PAX2: variants seen among roughly 807,000 people sequenced by gnomAD.
PAX2 encodes paired box protein Pax-2.
Under a neutral mutation model 41.7 loss-of-function variants are expected in PAX2, and 9 were observed. The observed-to-expected ratio is 0.22, with a 90% CI of 0.13 to 0.38. The LOEUF (loss-of-function observed/expected upper bound fraction) is 0.38. Among genes scored for constraint, PAX2 ranks in the 10% least tolerant of loss-of-function variants. The probability of loss-of-function intolerance (pLI) is 1.00; values close to 1 mark genes in which losing one functional copy is unlikely to be tolerated. For synonymous variants in PAX2, 221 were observed against 212.7 expected (o/e 1.04, Z -0.34); for missense variants, 418 against 531.6 (o/e 0.79, Z 2.10).
At chr10:100,745,058 G>C (rs939483810), upstream of PAX2, among the ~76,000 whole-genome samples, 1 of 151,994 alleles carries the variant, frequency 6.6e-6, no homozygotes, top group African/African-American at 2.4e-5. Flanking sequence ...AGGGTGGTGG[G>C]GTTGGGGCTA....
intron 3 of PAX2, among the ~76,000 whole-genome samples, chr10:100,752,153 C>A (rs1453793574): frequency 6.6e-6 from 1 of 152,166 alleles, no homozygotes; most frequent in South Asian, 2.1e-4. Flanking sequence ...TACTGCGAGG[C>A]GACCCCAGAA....
intron 1 of PAX2, among the ~76,000 whole-genome samples, chr10:100,739,889 C>G (rs753110036): frequency 6.6e-6 from 1 of 152,226 alleles, no homozygotes; most frequent in Non-Finnish European, 1.5e-5. Context: ...CTCGCCCGGC[C>G]TAGGGGAGGA....
chr10:100,829,176 GCT>G lies in PAX2; in HGVS notation c.*1560_*1561del. The G allele has an allele frequency of 4.3e-6, 1 of 232,332 alleles. No homozygotes were observed. The highest frequency in any genetic ancestry group is 8.5e-6 in the Non-Finnish European group (1 of 117,264). The allele number at this position is 232,332 out of a possible 1,614,324, so 14.4% of individuals were successfully genotyped here. On this transcript the variant is annotated 3_prime_UTR_variant, in exon 10 of 10. Coordinates refer to ENST00000355243, the MANE Select transcript of PAX2 (RefSeq NM_000278.5). ...TGGACTCCTCTGGCCTGTTTTGTTG[GCT>G]CTTTCTCTGTAATTCCGTGTTTTCG... is the stretch of plus-strand genomic sequence containing the variant.
In PAX2 at chr10:100,827,184, AC is replaced by A; in HGVS notation, c.1108+92del. 9.2e-7 allele frequency: 1 copy of A among 1,091,130 alleles called. No homozygotes were observed. The highest frequency in any genetic ancestry group is 1.4e-6 in the Non-Finnish European group (1 of 718,288). The allele number at this position is 1,091,130 out of a possible 1,614,324, so 67.6% of individuals were successfully genotyped here. A position where few individuals can be genotyped will look rare whatever the true frequency, so the allele number is the denominator to read the frequency against. On this transcript the variant is annotated intron_variant, in intron 9 of 9. Coordinates refer to ENST00000355243, the MANE Select transcript of PAX2 (RefSeq NM_000278.5). The surrounding 1 kb of genome is among the most constrained non-coding windows in gnomAD (Gnocchi z 8.5). ...ACTCCCGGCGACCCGACCTCTGGGG[AC>A]CCGGCCGGGCCAGGGGGACAGGCTT... is the stretch of plus-strand genomic sequence containing the variant.
intron 1 of PAX2, chr10:100,735,851 G>C: frequency 1.5e-6 from 1 of 660,154 alleles, no homozygotes; most frequent in Non-Finnish European, 1.9e-6. Flanking sequence ...TACCCGGCGG[G>C]CGACGTGAAG....
At chr10:100,795,800 G>A (rs2133928476) in intron 5 of PAX2, among the ~76,000 whole-genome samples, 1 of 152,332 alleles carries the variant, frequency 6.6e-6, no homozygotes, top group African/African-American at 2.4e-5. Context: ...AATGGCCAGA[G>A]GTTACCTGCC....
At chr10:100,819,237 G>C (rs1848295055) in intron 7 of PAX2, among the ~76,000 whole-genome samples, 1 of 143,954 alleles carries the variant, frequency 6.9e-6, no homozygotes, top group Non-Finnish European at 1.5e-5. Context: ...GACAGAGCAA[G>C]ACTCTGTCTC....
intron 8 of PAX2, among the ~76,000 whole-genome samples, chr10:100,825,377 G>A (rs1284562883): frequency 2.0e-5 from 3 of 152,110 alleles, no homozygotes; most frequent in Non-Finnish European, 4.4e-5. Flanking sequence ...CTTCCCTGGG[G>A]CTCTGACCCA....
chr10:100,806,717 C>G lies in PAX2; in HGVS notation c.792+112C>G, dbSNP rs1369821274. 2.0e-5 allele frequency: 18 copies of G among 916,324 alleles called. No individual in the cohort carries two copies. The Admixed American group carries it at 3.1e-4, about 16-fold the overall frequency. 56.8% of individuals were successfully genotyped at this position (916,324 alleles called of 1,614,324 possible). A position where few individuals can be genotyped will look rare whatever the true frequency, so the allele number is the denominator to read the frequency against. On this transcript the variant is annotated intron_variant, in intron 6 of 9. Coordinates refer to ENST00000355243, the MANE Select transcript of PAX2 (RefSeq NM_000278.5). ...CATAGCCAGCATTGTATGTGTTACA[C>G]ACGTGTGTTCTGTGTGTGTGCAGTG...
At chr10:100,759,604 C>A (rs1437963627) in intron 3 of PAX2, among the ~76,000 whole-genome samples, 1 of 152,100 alleles carries the variant, frequency 6.6e-6, no homozygotes, top group Non-Finnish European at 1.5e-5. Flanking sequence ...CTGCCTGAAC[C>A]ACAGATTTCT....
rs554620808 is a variant in PAX2 at position 100,802,304 on chromosome 10, A to G, written c.617-4126A>G. ...GAGTTCAAATGTAGATGTGTTCTCC[A>G]GGCCCCAGTCTTAAGCAGCCTCTGC... On this transcript the variant is annotated intron_variant, in intron 5 of 9. Coordinates refer to ENST00000355243, the MANE Select transcript of PAX2 (RefSeq NM_000278.5). Among the ~76,000 whole-genome samples, 57 of 152,334 alleles carry G rather than the reference A, an allele frequency of 3.7e-4. 1 individual carries two copies. Among genetic ancestry groups the G allele is most frequent in the African/African-American group, 1.3e-3 (56 of 41,578 alleles).
chr10:100,761,777 T>C (rs961772051), intron 3 of PAX2, among the ~76,000 whole-genome samples: 1 of 152,190 alleles, frequency 6.6e-6, no homozygotes, highest in African/African-American at 2.4e-5. Context: ...ACTGCTTCTT[T>C]GGAGGTGCTA....
chr10:100,744,107 G>T (rs980497690), upstream of PAX2, among the ~76,000 whole-genome samples: 1 of 152,226 alleles, frequency 6.6e-6, no homozygotes, highest in Non-Finnish European at 1.5e-5. Flanking sequence ...ACGCCCAGTA[G>T]TAGTAGTTAG....
chr10:100,824,291 AG>A lies in PAX2; in HGVS notation c.920-355del, dbSNP rs1227966716. ...CTTGCTGAGAAGGAGGAGTAAAACC[AG>A]GTCATCTCCCTCCCATCTCCATCTG... On this transcript the variant is annotated intron_variant, in intron 7 of 9. Transcript: ENST00000355243. The surrounding 1 kb of genome is among the most constrained non-coding windows in gnomAD (Gnocchi z 6.6). 6.6e-6 allele frequency among the ~76,000 whole-genome samples: 1 copy of A among 151,194 alleles called. No homozygotes were observed. Among genetic ancestry groups the A allele is most frequent in the African/African-American group, 2.4e-5 (1 of 41,204 alleles).
At chr10:100,790,910 C>T (rs962073070) in intron 5 of PAX2, among the ~76,000 whole-genome samples, 4 of 152,176 alleles carry the variant, frequency 2.6e-5, no homozygotes, top group Non-Finnish European at 4.4e-5. Context: ...AGACAGATCA[C>T]GAGCCTCAGA....
rs1324481144 is a variant in PAX2 at position 100,750,946 on chromosome 10, G to C, written c.410+55G>C. 4 of 1,364,234 alleles carry C rather than the reference G, an allele frequency of 2.9e-6. No individual in the cohort carries two copies. The Admixed American group carries it at 6.7e-5, about 23-fold the overall frequency. The allele number at this position is 1,364,234 out of a possible 1,614,324, so 84.5% of individuals were successfully genotyped here. A position where few individuals can be genotyped will look rare whatever the true frequency, so the allele number is the denominator to read the frequency against. On this transcript the variant is annotated intron_variant, in intron 3 of 9. Transcript: ENST00000355243. The surrounding 1 kb of genome is among the most constrained non-coding windows in gnomAD (Gnocchi z 4.1). ...GGACTCCAGCTCCTGGCTCCTGCCTGCAGGGGTGTCCCACGCCCAGTCTCT... is the reference window on the plus strand; with the variant it reads ...GGACTCCAGCTCCTGGCTCCTGCCTCCAGGGGTGTCCCACGCCCAGTCTCT...
chr10:100,788,509 G>C (rs1180217842), intron 5 of PAX2, among the ~76,000 whole-genome samples: 1 of 152,222 alleles, frequency 6.6e-6, no homozygotes, highest in African/African-American at 2.4e-5. Context: ...TGAGGCTGAT[G>C]GGGGAAGTCG....
intron 5 of PAX2, among the ~76,000 whole-genome samples, chr10:100,788,868 AC>A (rs139379058): frequency 6.1e-4 from 90 of 148,196 alleles, no homozygotes; most frequent in Admixed American, 2.0e-3. Flanking sequence ...ATGCACACAC[AC>A]CCCCCCCGAC....
intron 3 of PAX2, among the ~76,000 whole-genome samples, chr10:100,771,805 T>C (rs1846219069): frequency 6.8e-6 from 1 of 147,226 alleles, no homozygotes; most frequent in Non-Finnish European, 1.5e-5. Flanking sequence ...CTGAAGCAAA[T>C]ATCTTCTTTT....
Sources: gnomAD v4.1 joint callset for allele counts (sites outside exome capture counted in the v4.1 genomes callset) on GRCh38, gnomAD v4.1.1 for gene constraint, Gnocchi (gnomAD v3.1) non-coding constraint, MANE v1.5 for transcripts, NCBI Gene and HGNC (gene_info 2026-07-23, HGNC 2026-07-21) for gene names.